Variants in PHF12 observed in about 807,000 individuals in gnomAD.
The protein encoded by PHF12 is PHD finger protein 12.
A neutral mutation model predicts 99.8 loss-of-function variants in PHF12; 6 were observed. The observed-to-expected ratio is 0.06, with a 90% CI of 0.03 to 0.12. The LOEUF (loss-of-function observed/expected upper bound fraction) is 0.12. PHF12 is among the 10% of genes least tolerant of loss of function. The probability of loss-of-function intolerance (pLI) is 1.00; values close to 1 mark genes in which losing one functional copy is unlikely to be tolerated. For missense variants in PHF12, 954 were observed against 1,300.1 expected (o/e 0.73, Z 4.09); for synonymous variants, 480 against 514.9 (o/e 0.93, Z 0.92).
intron 2 of PHF12, among the ~76,000 whole-genome samples, chr17:28,932,715 G>A (rs1567965978): frequency 6.6e-6 from 1 of 152,194 alleles, no homozygotes; most frequent in Non-Finnish European, 1.5e-5. Flanking sequence ...GGAGGCCAAG[G>A]TGGGTGGGTC....
chr17:28,924,111 G>A lies in PHF12; in HGVS notation c.513C>T (p.Ala171=). Reference sequence around the variant, plus strand: ...GCTCAGAGGTGGGAGTCTCTGTGCTGGCGCTGGATGTGGGTGTGCCAGGCC... The same window carrying A: ...GCTCAGAGGTGGGAGTCTCTGTGCTAGCGCTGGATGTGGGTGTGCCAGGCC... The part of the protein sequence containing the change: ...ASRPGTPTSS[A]STETPTSEQN... Residue 171 remains alanine, a synonymous_variant, in exon 4 of 15, where the codon GCC becomes GCT. Coordinates refer to ENST00000332830, the MANE Select transcript of PHF12 (RefSeq NM_001033561.2). 1 of 1,614,228 alleles carries A rather than the reference G, an allele frequency of 6.2e-7. No homozygotes were observed. Among genetic ancestry groups the A allele is most frequent in the Non-Finnish European group, 8.5e-7 (1 of 1,180,048 alleles).
intron 3 of PHF12, chr17:28,925,514 A>T (rs992093977): frequency 5.9e-5 from 9 of 152,350 alleles, no homozygotes; most frequent in African/African-American, 2.2e-4. Context: ...CAGACTTGGC[A>T]CTGGTAGGCA....
At chr17:28,921,169 C>A (rs1290118093) in intron 5 of PHF12, among the ~76,000 whole-genome samples, 5 of 151,970 alleles carry the variant, frequency 3.3e-5, no homozygotes, top group Non-Finnish European at 7.4e-5. Flanking sequence ...CAGGCATGTG[C>A]CACAGCGCCC....
At chr17:28,911,561 G>A (rs1415742064) in intron 9 of PHF12, among the ~76,000 whole-genome samples, 1 of 152,198 alleles carries the variant, frequency 6.6e-6, no homozygotes, top group African/African-American at 2.4e-5. Context: ...AGTAGTGCCT[G>A]CCCTTATAAT....
At chr17:28,917,147 C>T (rs1265099359) in intron 7 of PHF12, 138 bp downstream of exon 7, 3 of 1,133,104 alleles carry the variant, frequency 2.6e-6, no homozygotes, top group Admixed American at 4.3e-5. Flanking sequence ...ATGAAGGTCA[C>T]ACTCATTACT....
chr17:28,907,078 C>T (rs1276135123), intron 13 of PHF12, 84 bp from the exon 14 acceptor site: 12 of 1,451,786 alleles, frequency 8.3e-6, no homozygotes, highest in African/African-American at 2.8e-5. Context: ...TGGAGAAGGC[C>T]GTGCTACTCT....
At chr17:28,945,482 C>T (rs1276681587) in intron 2 of PHF12, 1 of 152,180 alleles carries the variant, frequency 6.6e-6, no homozygotes, top group African/African-American at 2.4e-5. Context: ...GAGGCAAATG[C>T]TACAGAAATC....
Position 28,950,499 on chromosome 17 carries a change from G to A in PHF12, c.67-253C>T, listed in dbSNP as rs2040791104. On this transcript the variant is annotated intron_variant, in intron 1 of 14. Transcript: ENST00000332830. This position sits in a 1 kb window ranked among gnomAD's most constrained non-coding sequence, Gnocchi z 5.7. Reference sequence around the variant, plus strand: ...AAGGGTAGGGGGATGGGAAGAGGGTGCGCGGTTCCCTTCTTGCCACTTCCT... The same window carrying A: ...AAGGGTAGGGGGATGGGAAGAGGGTACGCGGTTCCCTTCTTGCCACTTCCT... 1 of 564,882 alleles carries A rather than the reference G, an allele frequency of 1.8e-6. No homozygotes were observed. Among genetic ancestry groups the A allele is most frequent in the Non-Finnish European group, 3.1e-6 (1 of 318,942 alleles). The allele number at this position is 564,882 out of a possible 1,614,324, so 35.0% of individuals were successfully genotyped here.
chr17:28,933,573 GTCT>G (rs1345126580), intron 2 of PHF12, among the ~76,000 whole-genome samples: 4 of 152,134 alleles, frequency 2.6e-5, no homozygotes, highest in African/African-American at 9.7e-5. Context: ...ACCTTTAGTA[GTCT>G]TCTTATTTCT....
intron 9 of PHF12, 128 bp downstream of exon 9, chr17:28,912,354 G>C (rs187721436): frequency 7.0e-7 from 1 of 1,423,842 alleles, no homozygotes; most frequent in African/African-American, 1.4e-5. Flanking sequence ...GGAAATGAGA[G>C]TAAGACAAAC....
chr17:28,943,456 C>T (rs1179375340), intron 2 of PHF12, among the ~76,000 whole-genome samples: 1 of 152,004 alleles, frequency 6.6e-6, no homozygotes, highest in Non-Finnish European at 1.5e-5. Flanking sequence ...ATGGTGAAAC[C>T]CCGTTTCTAC....
intron 5 of PHF12, 83 bp downstream of exon 5, chr17:28,921,605 T>C (rs1469082405): frequency 3.8e-5 from 58 of 1,511,724 alleles, no homozygotes; most frequent in Non-Finnish European, 4.8e-5. Context: ...ACATTTAACA[T>C]ACATGGTCTG....
intron 2 of PHF12, among the ~76,000 whole-genome samples, chr17:28,931,256 CTTTTT>C (rs34710675): frequency 7.8e-6 from 1 of 127,534 alleles, no homozygotes; most frequent in Admixed American, 7.9e-5. Context: ...GCCATCATTC[CTTTTT>C]TTTTTTTTTT....
At chr17:28,948,817 C>T (rs1410514367) in intron 2 of PHF12, among the ~76,000 whole-genome samples, 2 of 151,610 alleles carry the variant, frequency 1.3e-5, no homozygotes, top group African/African-American at 2.4e-5. Context: ...GAACAGCCCC[C>T]TTTTCCTCTC....
Position 28,949,826 on chromosome 17 carries a change from G to T in PHF12, c.248+239C>A, listed in dbSNP as rs1291622179. 2 of 494,156 alleles carry T rather than the reference G, an allele frequency of 4.0e-6. No individual in the cohort carries two copies. Among genetic ancestry groups the T allele is most frequent in the Admixed American group, 3.7e-5 (1 of 27,224 alleles). The allele number at this position is 494,156 out of a possible 1,614,324, so 30.6% of individuals were successfully genotyped here. ...CCCCAGCGACTTCCAATCCCATATG[G>T]GGTTCTCTTCACTCGTCCCAACCCC... On this transcript the variant is annotated intron_variant, in intron 2 of 14. Coordinates refer to ENST00000332830, the MANE Select transcript of PHF12 (RefSeq NM_001033561.2). This position sits in a 1 kb window ranked among gnomAD's most constrained non-coding sequence, Gnocchi z 4.6.
At chr17:28,908,616 G>C (rs1171900275) in intron 12 of PHF12, 167 bp downstream of exon 12, 3 of 667,168 alleles carry the variant, frequency 4.5e-6, no homozygotes, top group Non-Finnish European at 5.2e-6. Flanking sequence ...CACCGTGACT[G>C]GCTGATTGTC....
rs114594805 is a variant in PHF12 at position 28,913,325 on chromosome 17, G to A, written c.1294-48C>T. On this transcript the variant is annotated intron_variant, in intron 8 of 14. Coordinates refer to ENST00000332830, the MANE Select transcript of PHF12 (RefSeq NM_001033561.2). ...GGGGGTGAGAAGCCTGAGAGGCGCC[G>A]GTCCTTCCTGCCACAGTGGCCAGGG... 3.0e-3 allele frequency: 4,604 copies of A among 1,554,252 alleles called. 123 individuals carry two copies. The African/African-American group carries it at 0.055, about 19-fold the overall frequency.
At chr17:28,910,075 G>A in intron 11 of PHF12, 151 bp downstream of exon 11, 1 of 1,210,730 alleles carries the variant, frequency 8.3e-7, no homozygotes, top group South Asian at 1.2e-5. Flanking sequence ...GCTCTCTTCA[G>A]AAAAAAACCA....
chr17:28,912,848 G>A lies in PHF12; in HGVS notation c.1723C>T (p.Leu575Phe), dbSNP rs369644139. 1.9e-6 allele frequency: 3 copies of A among 1,608,884 alleles called. No homozygotes were observed. The African/African-American group carries it at 4.0e-5, about 22-fold the overall frequency. Residue 575 changes from leucine (L) to phenylalanine (F), a missense_variant, in exon 9 of 15, where the codon CTC becomes TTC. By Grantham distance (22) the Leu-to-Phe change is conservative. Coordinates refer to ENST00000332830, the MANE Select transcript of PHF12 (RefSeq NM_001033561.2). ...LPGANTPLPGLSHRQGWPRPL... is the reference protein window; with the variant it reads ...LPGANTPLPGFSHRQGWPRPL... ...CGGGGCCAGCCTTGCCGGTGTGAGA[G>A]GCCTGGTAGTGGGGTGTTAGCGCCT...
Sources: gnomAD v4.1 joint callset for allele counts (sites outside exome capture counted in the v4.1 genomes callset) on GRCh38, gnomAD v4.1.1 for gene constraint, Gnocchi (gnomAD v3.1) non-coding constraint, MANE v1.5 for transcripts, NCBI Gene and HGNC (gene_info 2026-07-23, HGNC 2026-07-21) for gene names.